CYREN: variants seen among roughly 807,000 people sequenced by gnomAD.
The protein encoded by CYREN is cell cycle regulator of non-homologous end joining.
CYREN carries 7 observed loss-of-function variants against 9.7 expected under a neutral mutation model. The observed-to-expected ratio is 0.72, with a 90% CI of 0.41 to 1.36. CYREN has a LOEUF of 1.36. CYREN is among the 40% of genes most tolerant of loss of function. CYREN has a pLI of 0.01. For missense variants in CYREN, 215 were observed against 198.1 expected (o/e 1.09, Z -0.51); for synonymous variants, 76 against 77.9 (o/e 0.98, Z 0.13).
At position 135,150,741 on chromosome 7, in the gene CYREN, G is replaced by C. The variant is rs546317621; in HGVS notation, n.356+18008C>G. ...AGAAACCAAATGAGATTAGCTGGAC[G>C]TGGTGGCAGGAGGCTGAGGCAGGTG... On this transcript the variant is annotated intron_variant and non_coding_transcript_variant, in intron 2 of 2. Coordinates refer to the CYREN transcript ENST00000459937. Among the ~76,000 whole-genome samples the C allele has an allele frequency of 9.2e-5, 14 of 152,290 alleles. No individual in the cohort carries two copies. In the East Asian group the frequency reaches 2.5e-3, roughly 27 times the overall value.
At position 135,166,814 on chromosome 7, in the gene CYREN, C is replaced by G. The variant is rs976012940; in HGVS notation, c.271G>C (p.Glu91Gln). The change falls in exon 4 of 4, where the codon GAG (glutamate) becomes CAG (glutamine). Residue 91 changes from glutamate (E) to glutamine (Q), a missense_variant. Transcript: ENST00000393114. The stretch of plus-strand genomic sequence containing the variant: ...GACACGGAGCAGGGAGGGGAGTGCT[C>G]TGGGTTATCAGCCCCCGCCAGGGCC... Reference protein sequence around the residue: ...QPALAGADNPEHSPPCSVSPH... With the variant: ...QPALAGADNPQHSPPCSVSPH... The G allele has an allele frequency of 3.1e-6, 5 of 1,614,204 alleles. No individual in the cohort carries two copies. The highest frequency in any genetic ancestry group is 2.2e-5 in the East Asian group (1 of 44,884).
intron 3 of CYREN, 183 bp downstream of exon 3, chr7:135,167,549 C>T (rs754818042): frequency 4.2e-6 from 6 of 1,432,476 alleles, no homozygotes; most frequent in South Asian, 1.5e-5. Context: ...AGACACCCCA[C>T]GAGCGCACAC....
chr7:135,141,717 A>G (rs1829455998), intron 2 of CYREN, among the ~76,000 whole-genome samples: 1 of 152,092 alleles, frequency 6.6e-6, no homozygotes, highest in African/African-American at 2.4e-5. Context: ...ATCCTGCTTT[A>G]GCTGTGTCCC....
chr7:135,157,520 G>T (rs1829825310), intron 2 of CYREN, among the ~76,000 whole-genome samples: 1 of 152,238 alleles, frequency 6.6e-6, no homozygotes, highest in Non-Finnish European at 1.5e-5. Context: ...GGTGGTTAGT[G>T]GGTCTTGGAG....
chr7:135,160,341 A>G (rs1269924780), intron 2 of CYREN, among the ~76,000 whole-genome samples: 1 of 152,238 alleles, frequency 6.6e-6, no homozygotes, highest in Non-Finnish European at 1.5e-5. Context: ...TGAAGGAAAC[A>G]CTGGCTTATC....
In CYREN at chr7:135,131,994, T is replaced by C. The variant is rs558835837; in HGVS notation, n.356+36755A>G. On this transcript the variant is annotated intron_variant and non_coding_transcript_variant, in intron 2 of 2. Coordinates refer to the CYREN transcript ENST00000459937. ...CTCATTCAATATGAAATAGAATATT[T>C]GAATACCCCTGTAACTAATAAGGAA... 6.4e-4 allele frequency among the ~76,000 whole-genome samples: 98 copies of C among 152,256 alleles called. 1 individual carries two copies. Among genetic ancestry groups the C allele is most frequent in the Middle Eastern group, 3.4e-3 (1 of 294 alleles).
At chr7:135,160,757 G>A (rs536359743) in intron 2 of CYREN, among the ~76,000 whole-genome samples, 3 of 149,458 alleles carry the variant, frequency 2.0e-5, no homozygotes, top group East Asian at 3.9e-4. Context: ...ACAAAAAAAA[G>A]AGCCCCTACT....
intron 2 of CYREN, chr7:135,115,442 G>A: frequency 6.4e-7 from 1 of 1,551,272 alleles, no homozygotes; most frequent in Non-Finnish European, 8.7e-7. Flanking sequence ...CAAGAAGACT[G>A]GCATAAATTG....
upstream of CYREN, among the ~76,000 whole-genome samples, chr7:135,172,019 G>A (rs1192677927): frequency 2.0e-5 from 3 of 152,186 alleles, no homozygotes; most frequent in South Asian, 2.1e-4. Flanking sequence ...GTGGAAGCAT[G>A]GCCTGATCAC....
intron 2 of CYREN, among the ~76,000 whole-genome samples, chr7:135,096,783 G>GAAAGAAATAAAT (rs1554516800): frequency 1.3e-5 from 2 of 148,748 alleles, no homozygotes; most frequent in African/African-American, 5.0e-5. Flanking sequence ...AAGAAAGAAA[G>GAAAGAAATAAAT]AAAGAAAGAA....
downstream of CYREN, chr7:135,165,300 C>T (rs953188728): frequency 1.7e-5 from 5 of 297,736 alleles, no homozygotes; most frequent in Admixed American, 9.4e-5. Flanking sequence ...GCAAATCTTC[C>T]TCTAGCTTCA....
rs371899013 is a variant in CYREN, at chr7:135,168,745, T to C, written c.137+41A>G. ...CAGGTCATGGAGGCCCCTGCTCCACTTGCCAGATTCGCAGGAGTCTTCTGA... is the reference window on the plus strand; with the variant it reads ...CAGGTCATGGAGGCCCCTGCTCCACCTGCCAGATTCGCAGGAGTCTTCTGA... On this transcript the variant is annotated intron_variant, in intron 2 of 3. Transcript: ENST00000393114. 1.9e-5 allele frequency: 30 copies of C among 1,602,956 alleles called. No individual in the cohort carries two copies. The African/African-American group carries it at 3.8e-4, about 20-fold the overall frequency.
chr7:135,165,650 A>T (rs1195506909), downstream of CYREN: 2 of 166,982 alleles, frequency 1.2e-5, no homozygotes, highest in Non-Finnish European at 2.9e-5. Context: ...GTCCGCTGAC[A>T]AATCACTCCC....
At chr7:135,107,505 T>A (rs1038796915) in intron 2 of CYREN, among the ~76,000 whole-genome samples, 2 of 152,250 alleles carry the variant, frequency 1.3e-5, no homozygotes, top group African/African-American at 4.8e-5. Context: ...TTGTTTAGTT[T>A]CCCTGTAATT....
intron 2 of CYREN, among the ~76,000 whole-genome samples, chr7:135,124,557 A>T (rs1337077756): frequency 6.6e-6 from 1 of 152,274 alleles, no homozygotes; most frequent in Non-Finnish European, 1.5e-5. Flanking sequence ...TCTAATAGAC[A>T]TCTACAGAAA....
intron 2 of CYREN, chr7:135,115,384 G>C (rs996852264): frequency 3.9e-6 from 6 of 1,548,084 alleles, no homozygotes; most frequent in Non-Finnish European, 5.2e-6. Flanking sequence ...CCCCAGATCT[G>C]CACCACAACT....
At chr7:135,101,683 A>G (rs1823848584) in intron 2 of CYREN, among the ~76,000 whole-genome samples, 2 of 152,104 alleles carry the variant, frequency 1.3e-5, no homozygotes, top group Non-Finnish European at 2.9e-5. Context: ...CTAATTGAAG[A>G]CTAATATAGT....
intron 2 of CYREN, among the ~76,000 whole-genome samples, chr7:135,116,715 A>G (rs1826368271): frequency 6.6e-6 from 1 of 152,174 alleles, no homozygotes; most frequent in Non-Finnish European, 1.5e-5. Flanking sequence ...ACCTCATAAG[A>G]GTGGAAGTGT....
In CYREN at chr7:135,134,918, T is replaced by A. The variant is rs1471579496; in HGVS notation, n.356+33831A>T. On this transcript the variant is annotated intron_variant and non_coding_transcript_variant, in intron 2 of 2. Coordinates refer to the CYREN transcript ENST00000459937. ...GCACCCAGAAATCACCCTTTTGTAATCCAAGGGGATGTTATGGCAAACTCT... is the reference window on the plus strand; with the variant it reads ...GCACCCAGAAATCACCCTTTTGTAAACCAAGGGGATGTTATGGCAAACTCT... The A allele has an allele frequency of 1.0e-5, 16 of 1,551,074 alleles. No individual in the cohort carries two copies. The highest frequency in any genetic ancestry group is 3.9e-5 in the Admixed American group (2 of 50,950).
Sources: gnomAD v4.1 joint callset for allele counts (sites outside exome capture counted in the v4.1 genomes callset) on GRCh38, gnomAD v4.1.1 for gene constraint, MANE v1.5 for transcripts, NCBI Gene and HGNC (gene_info 2026-07-23, HGNC 2026-07-21) for gene names.